PTPRM: variants seen among roughly 807,000 people sequenced by gnomAD.
PTPRM encodes the protein protein tyrosine phosphatase receptor type M.
In PTPRM, 47 loss-of-function variants were observed where a neutral mutation model predicts 186.7. The observed-to-expected ratio is 0.25, with a 90% CI of 0.20 to 0.32. The LOEUF (loss-of-function observed/expected upper bound fraction) is 0.32, where lower values mean the gene tolerates loss of function less well. Among genes scored for constraint, PTPRM ranks in the 10% least tolerant of loss-of-function variants. The pLI, the probability that PTPRM is intolerant of heterozygous loss-of-function variation, is 1.00. For missense variants in PTPRM, 1,494 were observed against 1,865.0 expected, an observed-to-expected ratio of 0.80 and a Z score of 3.66; for synonymous variants, 668 against 674.9, an observed-to-expected ratio of 0.99 and a Z score of 0.16.
chr18:7,733,491 G>C (rs2040705055), intron 1 of PTPRM, among the ~76,000 whole-genome samples: 1 of 152,122 alleles, frequency 6.6e-6, no homozygotes, highest in African/African-American at 2.4e-5. Context: ...ATCAATGATA[G>C]GCATTTGGGC....
At chr18:7,877,039 G>A (rs187296386) in intron 2 of PTPRM, among the ~76,000 whole-genome samples, 78 of 152,210 alleles carry the variant, frequency 5.1e-4, no homozygotes, top group African/African-American at 1.8e-3. Flanking sequence ...TAAATATCAT[G>A]TAAGTGTTAG....
intron 13 of PTPRM, among the ~76,000 whole-genome samples, chr18:8,119,112 T>C (rs949721544): frequency 5.3e-5 from 8 of 152,176 alleles, no homozygotes; most frequent in African/African-American, 1.9e-4. Context: ...GAAAAAGTTA[T>C]TCATTTCACT....
intron 2 of PTPRM, among the ~76,000 whole-genome samples, chr18:7,847,543 G>T (rs761952332): frequency 3.3e-5 from 5 of 152,090 alleles, no homozygotes; most frequent in Admixed American, 6.5e-5. Context: ...TTGGTTTCAG[G>T]CATAGCTGGA....
chr18:8,310,063 A>G (rs2095256368), intron 20 of PTPRM, among the ~76,000 whole-genome samples: 1 of 152,066 alleles, frequency 6.6e-6, no homozygotes, highest in South Asian at 2.1e-4. Flanking sequence ...CATGGTTCAC[A>G]TCTTAGTCAA....
chr18:8,118,063 A>T (rs970122775), intron 13 of PTPRM, among the ~76,000 whole-genome samples: 5 of 152,152 alleles, frequency 3.3e-5, no homozygotes, highest in African/African-American at 1.2e-4. Flanking sequence ...TTCATTGATG[A>T]TCAATTCTAA....
At chr18:8,015,661 A>G (rs2084813417) in intron 7 of PTPRM, among the ~76,000 whole-genome samples, 1 of 152,178 alleles carries the variant, frequency 6.6e-6, no homozygotes, top group Admixed American at 6.5e-5. Context: ...TGTGACAAGA[A>G]TGGTTAAATA....
chr18:8,380,208 C>T (rs2095723808), intron 28 of PTPRM, 88 bp from the exon 29 acceptor site: 1 of 1,439,780 alleles, frequency 6.9e-7, no homozygotes, highest in Non-Finnish European at 9.6e-7. Flanking sequence ...TGTTTTGTGC[C>T]ACAAGCTTCC....
At chr18:7,846,333 A>G (rs1024436236) in intron 2 of PTPRM, among the ~76,000 whole-genome samples, 1 of 152,220 alleles carries the variant, frequency 6.6e-6, no homozygotes, top group Non-Finnish European at 1.5e-5. Context: ...ATAAAGGAAA[A>G]TGTTTATATT....
chr18:8,323,511 C>CTA (rs560936921), intron 22 of PTPRM, among the ~76,000 whole-genome samples: 8 of 152,268 alleles, frequency 5.3e-5, no homozygotes, highest in African/African-American at 1.9e-4. Flanking sequence ...GTAACCTGAG[C>CTA]TATAGATTGT....
intron 8 of PTPRM, among the ~76,000 whole-genome samples, chr18:8,075,012 G>A (rs1030395220): frequency 1.3e-5 from 2 of 152,092 alleles, no homozygotes; most frequent in Non-Finnish European, 2.9e-5. Context: ...TTCTTTAAGA[G>A]TTTTATAGTT....
intron 1 of PTPRM, among the ~76,000 whole-genome samples, chr18:7,681,294 C>G (rs528395735): frequency 6.6e-6 from 1 of 152,218 alleles, no homozygotes; most frequent in African/African-American, 2.4e-5. Flanking sequence ...TGAGAAGGTA[C>G]TGATGTTATC....
At chr18:8,321,168 T>G (rs1601795729) in intron 22 of PTPRM, among the ~76,000 whole-genome samples, 1 of 152,188 alleles carries the variant, frequency 6.6e-6, no homozygotes, top group Admixed American at 6.5e-5. Flanking sequence ...AAATTAACAG[T>G]TTTTGTAAAT....
chr18:7,754,477 C>T (rs1052770396), intron 1 of PTPRM, among the ~76,000 whole-genome samples: 1 of 152,140 alleles, frequency 6.6e-6, no homozygotes, highest in African/African-American at 2.4e-5. Context: ...CACCATAGGC[C>T]AGCCTTCTAG....
chr18:8,400,141 C>T (rs1213373565), intron 32 of PTPRM, among the ~76,000 whole-genome samples: 18 of 152,184 alleles, frequency 1.2e-4, no homozygotes, highest in Admixed American at 1.1e-3. Flanking sequence ...GTAACAGGAA[C>T]AGCCCCGTCC....
At chr18:7,653,045 C>G (rs1347119575) in intron 1 of PTPRM, among the ~76,000 whole-genome samples, 1 of 151,208 alleles carries the variant, frequency 6.6e-6, no homozygotes, top group African/African-American at 2.4e-5. Flanking sequence ...GGCAAATAAG[C>G]TTATGAAAAA....
intron 19 of PTPRM, among the ~76,000 whole-genome samples, chr18:8,260,846 C>T (rs1258813504): frequency 2.0e-5 from 3 of 152,188 alleles, no homozygotes; most frequent in Non-Finnish European, 2.9e-5. Flanking sequence ...GGGAGGAAGG[C>T]GCCCCGGGCA....
chr18:7,773,082 T>C (rs934197472), intron 1 of PTPRM, among the ~76,000 whole-genome samples: 5 of 152,162 alleles, frequency 3.3e-5, no homozygotes, highest in Non-Finnish European at 7.4e-5. Flanking sequence ...GCTGAATTAC[T>C]ATGTATATTT....
At chr18:8,141,497 G>C (rs1287595194) in intron 13 of PTPRM, among the ~76,000 whole-genome samples, 1 of 152,216 alleles carries the variant, frequency 6.6e-6, no homozygotes, top group Non-Finnish European at 1.5e-5. Context: ...ATGAAAGGCT[G>C]CAGGTAACCA....
At chr18:8,394,688 G>A in intron 32 of PTPRM, 77 bp downstream of exon 32, 1 of 1,402,198 alleles carries the variant, frequency 7.1e-7, no homozygotes, top group Non-Finnish European at 9.5e-7. Flanking sequence ...AGATTTGCAG[G>A]GAAACTGATG....
Sources: gnomAD v4.1 joint callset for allele counts (sites outside exome capture counted in the v4.1 genomes callset) on GRCh38, gnomAD v4.1.1 for gene constraint, MANE v1.5 for transcripts, NCBI Gene and HGNC (gene_info 2026-07-23, HGNC 2026-07-21) for gene names.